SCARA5: variants seen among roughly 807,000 people sequenced by gnomAD.
The protein encoded by SCARA5 is scavenger receptor class A, member 5 (putative).
A neutral mutation model predicts 46.3 loss-of-function variants in SCARA5; 45 were observed. The ratio of observed to expected loss-of-function variants is 0.97; its 90% CI spans 0.76 to 1.24. SCARA5 has a LOEUF of 1.24. Ranked by LOEUF, SCARA5 falls within the 50% of genes most tolerant of loss-of-function variation. SCARA5 has a pLI of 0.00. For synonymous variants in SCARA5, 333 were observed against 306.5 expected (o/e 1.09, Z -0.90); for missense variants, 680 against 689.0 (o/e 0.99, Z 0.15).
intron 2 of SCARA5, among the ~76,000 whole-genome samples, chr8:27,981,642 G>A (rs1471366956): frequency 6.6e-6 from 1 of 152,218 alleles, no homozygotes. Context: ...CAACTCGTGT[G>A]TGCACCATGG....
intron 2 of SCARA5, among the ~76,000 whole-genome samples, chr8:27,968,913 C>A (rs1808408688): frequency 6.6e-6 from 1 of 152,158 alleles, no homozygotes; most frequent in South Asian, 2.1e-4. Flanking sequence ...GTGACAGGTG[C>A]CTTAGTCAAC....
intron 2 of SCARA5, among the ~76,000 whole-genome samples, chr8:27,970,366 C>A (rs142430825): frequency 6.6e-6 from 1 of 152,182 alleles, no homozygotes. Context: ...AAAAAAGGGA[C>A]GAGGCAGGAG....
chr8:27,980,441 T>C lies in SCARA5; in HGVS notation c.112+7063A>G, dbSNP rs111455426. Among the ~76,000 whole-genome samples the C allele has an allele frequency of 2.6e-3, 392 of 152,316 alleles. 3 individuals are homozygous for C. Among genetic ancestry groups the C allele is most frequent in the African/African-American group, 8.9e-3 (371 of 41,568 alleles). On this transcript the variant is annotated intron_variant, in intron 2 of 8. Coordinates refer to ENST00000354914, the MANE Select transcript of SCARA5 (RefSeq NM_173833.6). ...GACTGTACCAGGCTAGTGGGACATGTCGGTGGCATCCCCCTCAGACCCTCC... is the reference window on the plus strand; with the variant it reads ...GACTGTACCAGGCTAGTGGGACATGCCGGTGGCATCCCCCTCAGACCCTCC...
chr8:27,961,226 T>G (rs1166099125), intron 3 of SCARA5, among the ~76,000 whole-genome samples: 1 of 152,226 alleles, frequency 6.6e-6, no homozygotes, highest in African/African-American at 2.4e-5. Context: ...GTGGGAGGTC[T>G]TTGGACCATG....
Position 27,873,648 on chromosome 8 carries a change from CTT to C in SCARA5, c.1352-1580_1352-1579del, listed in dbSNP as rs201800189. 3.9e-3 allele frequency among the ~76,000 whole-genome samples: 589 copies of C among 150,826 alleles called. 6 individuals are homozygous for C. The highest frequency in any genetic ancestry group is 0.012 in the East Asian group (62 of 5,062). ...ACCCCTAAATCCCTGCGCTGACTCTCTTTTCTGACTCAACCCGCCTGCACCCA... is the reference window on the plus strand; with the variant it reads ...ACCCCTAAATCCCTGCGCTGACTCTCTTCTGACTCAACCCGCCTGCACCCA... On this transcript the variant is annotated intron_variant, in intron 8 of 8. Coordinates refer to ENST00000354914, the MANE Select transcript of SCARA5 (RefSeq NM_173833.6).
At chr8:27,893,517 CT>C (rs1190450197) in intron 7 of SCARA5, among the ~76,000 whole-genome samples, 1 of 151,570 alleles carries the variant, frequency 6.6e-6, no homozygotes, top group African/African-American at 2.4e-5. Flanking sequence ...CCAGATGCCC[CT>C]GAACCCTGGA....
At chr8:27,887,749 G>T (rs1806920537) in intron 7 of SCARA5, among the ~76,000 whole-genome samples, 1 of 152,178 alleles carries the variant, frequency 6.6e-6, no homozygotes, top group Non-Finnish European at 1.5e-5. Context: ...GGGACTTAGG[G>T]GCTGCTAGGC....
intron 3 of SCARA5, among the ~76,000 whole-genome samples, chr8:27,951,600 T>G (rs1358085671): frequency 6.6e-6 from 1 of 152,136 alleles, no homozygotes; most frequent in Non-Finnish European, 1.5e-5. Flanking sequence ...CAGAGGCCCG[T>G]CCCGTCCTGC....
chr8:27,886,737 C>T (rs1452792618), intron 7 of SCARA5, among the ~76,000 whole-genome samples: 1 of 152,200 alleles, frequency 6.6e-6, no homozygotes, highest in African/African-American at 2.4e-5. Context: ...GGTTTAAATG[C>T]TGCTTTTTCC....
At chr8:27,879,468 C>T in intron 8 of SCARA5, 101 bp downstream of exon 8, 1 of 1,173,240 alleles carries the variant, frequency 8.5e-7, no homozygotes, top group Non-Finnish European at 1.2e-6. Context: ...GGCTGGGGAC[C>T]TCGCGGAATT....
At chr8:27,948,676 C>A (rs1436656363) in intron 3 of SCARA5, among the ~76,000 whole-genome samples, 1 of 152,096 alleles carries the variant, frequency 6.6e-6, no homozygotes, top group Non-Finnish European at 1.5e-5. Context: ...GGAAGAAAAA[C>A]AAACAGCTGA....
chr8:27,959,413 A>T (rs114477281), intron 3 of SCARA5, among the ~76,000 whole-genome samples: 14 of 152,246 alleles, frequency 9.2e-5, no homozygotes, highest in African/African-American at 3.1e-4. Context: ...ATTCAATTTG[A>T]TCCTTCCATT....
chr8:27,986,913 A>G (rs934689081), intron 2 of SCARA5, among the ~76,000 whole-genome samples: 2 of 152,228 alleles, frequency 1.3e-5, no homozygotes, highest in African/African-American at 4.8e-5. Flanking sequence ...ACAGGAGCCA[A>G]GCTGGTGGAA....
In SCARA5 at chr8:27,951,316, C is replaced by T. The variant is rs923509530; in HGVS notation, c.241+15098G>A. 5.3e-5 allele frequency among the ~76,000 whole-genome samples: 8 copies of T among 152,160 alleles called. No homozygotes were observed. The South Asian group carries it at 1.0e-3, about 20-fold the overall frequency. On this transcript the variant is annotated intron_variant, in intron 3 of 8. Coordinates refer to ENST00000354914, the MANE Select transcript of SCARA5 (RefSeq NM_173833.6). ...TGGAGCAGGAGGGCAGTGTGGGAGC[C>T]GGAGCTGTGGTCACTCCCAAGGTCC...
At chr8:27,936,662 C>T (rs547372678) in intron 3 of SCARA5, among the ~76,000 whole-genome samples, 20 of 145,042 alleles carry the variant, frequency 1.4e-4, no homozygotes, top group Non-Finnish European at 2.4e-4. Flanking sequence ...AACCCAGATG[C>T]CCATCATCTG....
chr8:27,933,656 A>G (rs1238679298), intron 3 of SCARA5, among the ~76,000 whole-genome samples: 2 of 152,186 alleles, frequency 1.3e-5, no homozygotes, highest in Non-Finnish European at 2.9e-5. Flanking sequence ...TGGCTGAAAT[A>G]TTTAAGTCAT....
chr8:27,978,182 A>G (rs1808557081), intron 2 of SCARA5, among the ~76,000 whole-genome samples: 1 of 141,178 alleles, frequency 7.1e-6, no homozygotes, highest in Non-Finnish European at 1.6e-5. Context: ...GCCCACCACC[A>G]CATCCGGCTA....
chr8:27,987,559 G>A lies in SCARA5; in HGVS notation c.57C>T (p.Ile19=). The A allele has an allele frequency of 6.2e-7, 1 of 1,614,184 alleles. No individual in the cohort carries two copies. Among genetic ancestry groups the A allele is most frequent in the South Asian group, 1.1e-5 (1 of 91,078 alleles). ...TCCTGCCATCAAAGGAATCCTCACA[G>A]ATGGAGCTGGTGTCACAGTCGCTGA... ...HTVSDCDTSS[I]CEDSFDGRSL... Residue 19 remains isoleucine, a synonymous_variant, in exon 2 of 9, where the codon ATC becomes ATT. Coordinates refer to ENST00000354914, the MANE Select transcript of SCARA5 (RefSeq NM_173833.6).
Position 27,934,855 on chromosome 8 carries a change from C to T in SCARA5, c.242-12610G>A, listed in dbSNP as rs139181871. 2.9e-4 allele frequency among the ~76,000 whole-genome samples: 44 copies of T among 152,356 alleles called. No individual in the cohort carries two copies. In the East Asian group the frequency reaches 8.5e-3, roughly 29 times the overall value. On this transcript the variant is annotated intron_variant, in intron 3 of 8. Coordinates refer to ENST00000354914, the MANE Select transcript of SCARA5 (RefSeq NM_173833.6). ...TTACCAAAGACTGCATAGGCCCAAG[C>T]CAATGGCTAAAGTCTGCAAAGTCCT...
Sources: gnomAD v4.1 joint callset for allele counts (sites outside exome capture counted in the v4.1 genomes callset) on GRCh38, gnomAD v4.1.1 for gene constraint, MANE v1.5 for transcripts, NCBI Gene and HGNC (gene_info 2026-07-23, HGNC 2026-07-21) for gene names.